ZBTB7C: variants seen among roughly 807,000 people sequenced by gnomAD.
The protein encoded by ZBTB7C is zinc finger and BTB domain containing 7C.
In ZBTB7C, 8 loss-of-function variants were observed where a neutral mutation model predicts 25.7. The ratio of observed to expected loss-of-function variants is 0.31; its 90% CI spans 0.18 to 0.56. The LOEUF is 0.56. Ranked by LOEUF, ZBTB7C falls within the 20% of genes least tolerant of loss-of-function variation. The probability of loss-of-function intolerance (pLI) is 0.91; values close to 1 mark genes in which losing one functional copy is unlikely to be tolerated. For synonymous variants in ZBTB7C, 394 were observed against 369.0 expected (o/e 1.07, Z -0.78); for missense variants, 824 against 855.2 (o/e 0.96, Z 0.46).
chr18:48,268,646 G>C (rs1457887375), intron 2 of ZBTB7C, among the ~76,000 whole-genome samples: 1 of 152,198 alleles, frequency 6.6e-6, no homozygotes, highest in African/African-American at 2.4e-5. Flanking sequence ...GCTAAAACTG[G>C]GCTCAGCTGG....
chr18:48,214,010 C>T (rs914859144), intron 2 of ZBTB7C, among the ~76,000 whole-genome samples: 13 of 152,294 alleles, frequency 8.5e-5, no homozygotes, highest in Middle Eastern at 3.4e-3. Context: ...GCGGTGAGAG[C>T]GGACACCGTG....
At chr18:48,308,358 G>T (rs1393840812) in intron 2 of ZBTB7C, among the ~76,000 whole-genome samples, 1 of 152,158 alleles carries the variant, frequency 6.6e-6, no homozygotes, top group Non-Finnish European at 1.5e-5. Flanking sequence ...GGCATTTAGG[G>T]CAGGATGACC....
At position 48,259,707 on chromosome 18, in the gene ZBTB7C, T is replaced by C. The variant is rs767320613; in HGVS notation, c.-78-73712A>G. Among the ~76,000 whole-genome samples, 98 of 152,122 alleles carry C rather than the reference T, an allele frequency of 6.4e-4. 1 individual carries two copies. The highest frequency in any genetic ancestry group is 2.6e-4 in the Admixed American group (4 of 15,282). ...AACTGTCCCTCAAATGGGCAAAATA[T>C]TTGAACAGAACTTTACCAAAAAAAA... On this transcript the variant is annotated intron_variant, in intron 2 of 4. Transcript: ENST00000590800.
intron 2 of ZBTB7C, among the ~76,000 whole-genome samples, chr18:48,255,626 A>G (rs1409199370): frequency 6.7e-6 from 1 of 149,142 alleles, no homozygotes; most frequent in African/African-American, 2.6e-5. Flanking sequence ...AATCTTTACA[A>G]GAAAAGTAAC....
At chr18:48,099,999 T>C (rs748191552) in intron 3 of ZBTB7C, among the ~76,000 whole-genome samples, 10 of 152,134 alleles carry the variant, frequency 6.6e-5, no homozygotes, top group Non-Finnish European at 1.5e-4. Context: ...CCAGAGCCAC[T>C]CCTGGAGTGG....
At chr18:48,231,847 C>A (rs1274369993) in intron 2 of ZBTB7C, among the ~76,000 whole-genome samples, 1 of 152,244 alleles carries the variant, frequency 6.6e-6, no homozygotes, top group Non-Finnish European at 1.5e-5. Context: ...CCAGGCACCA[C>A]CAAGTTCCCC....
chr18:48,376,660 G>T (rs1258923842), intron 1 of ZBTB7C, among the ~76,000 whole-genome samples: 1 of 152,244 alleles, frequency 6.6e-6, no homozygotes, highest in African/African-American at 2.4e-5. Context: ...CTCTGCAGTG[G>T]CTCTGCAGTC....
chr18:48,352,384 T>A (rs1260034088), intron 1 of ZBTB7C, among the ~76,000 whole-genome samples: 2 of 152,306 alleles, frequency 1.3e-5, no homozygotes, highest in African/African-American at 2.4e-5. Flanking sequence ...CCTGGGGGCA[T>A]CCGCAGTATT....
At chr18:48,408,411 A>G (rs1274223878) in intron 1 of ZBTB7C, 1 of 152,202 alleles carries the variant, frequency 6.6e-6, no homozygotes, top group African/African-American at 2.4e-5. Flanking sequence ...CAGACCTCGC[A>G]CTACCCCGCG....
At chr18:48,142,316 C>T (rs2040372657) in intron 3 of ZBTB7C, among the ~76,000 whole-genome samples, 1 of 152,232 alleles carries the variant, frequency 6.6e-6, no homozygotes, top group Admixed American at 6.5e-5. Context: ...TGGGGGCCAG[C>T]AGAGCCTGCC....
intron 1 of ZBTB7C, among the ~76,000 whole-genome samples, chr18:48,367,043 T>C (rs911245934): frequency 4.0e-5 from 6 of 151,528 alleles, no homozygotes; most frequent in Admixed American, 1.3e-4. Flanking sequence ...TTTTGTACTA[T>C]ATAAATTTTT....
chr18:48,233,154 C>T (rs995966076), intron 2 of ZBTB7C, among the ~76,000 whole-genome samples: 28 of 152,160 alleles, frequency 1.8e-4, no homozygotes, highest in African/African-American at 6.8e-4. Flanking sequence ...GGGCTCTACT[C>T]TCACGAACAG....
At chr18:48,059,216 T>C (rs2037034863) in intron 3 of ZBTB7C, among the ~76,000 whole-genome samples, 1 of 152,194 alleles carries the variant, frequency 6.6e-6, no homozygotes, top group Admixed American at 6.5e-5. Context: ...GGGTTTTGTG[T>C]GTGTCATCTT....
chr18:48,385,252 T>C (rs2047722388), intron 1 of ZBTB7C, among the ~76,000 whole-genome samples: 1 of 152,216 alleles, frequency 6.6e-6, no homozygotes, highest in South Asian at 2.1e-4. Context: ...TTCTGGTCTG[T>C]AGCTCTTTTT....
chr18:48,139,635 G>C (rs1314988775), intron 3 of ZBTB7C, among the ~76,000 whole-genome samples: 1 of 152,160 alleles, frequency 6.6e-6, no homozygotes. Context: ...TAATCACTGT[G>C]TGTGTGTGCC....
At chr18:48,367,542 C>CAAGAAAAGCCT (rs1413420001) in intron 1 of ZBTB7C, among the ~76,000 whole-genome samples, 1 of 151,364 alleles carries the variant, frequency 6.6e-6, no homozygotes, top group African/African-American at 2.4e-5. Flanking sequence ...TGCGCACAGA[C>CAAGAAAAGCCT]AAGAAAAGCC....
In ZBTB7C at chr18:48,144,678, G is replaced by A. The variant is rs140304325; in HGVS notation, c.-17+41256C>T. 2.2e-3 allele frequency among the ~76,000 whole-genome samples: 336 copies of A among 152,138 alleles called. 1 individual carries two copies. The highest frequency in any genetic ancestry group is 4.0e-3 in the South Asian group (19 of 4,804). On this transcript the variant is annotated intron_variant, in intron 3 of 4. Coordinates refer to ENST00000590800, the MANE Select transcript of ZBTB7C (RefSeq NM_001318841.2). ...TTTAGTAGTTATGTTGCTGTGACTT[G>A]GACAGTCTCAGATTTATCACTGCAC...
intron 2 of ZBTB7C, among the ~76,000 whole-genome samples, chr18:48,285,081 A>G (rs2045002377): frequency 6.6e-6 from 1 of 152,242 alleles, no homozygotes; most frequent in Non-Finnish European, 1.5e-5. Flanking sequence ...GTTTCTATAA[A>G]TGTATGCCAC....
chr18:48,331,690 C>T (rs954367573), intron 2 of ZBTB7C, among the ~76,000 whole-genome samples: 20 of 152,138 alleles, frequency 1.3e-4, no homozygotes, highest in Admixed American at 1.2e-3. Flanking sequence ...GCATGTGACC[C>T]TACCGTATTC....
Sources: allele counts gnomAD v4.1 joint callset (sites outside exome capture counted in the v4.1 genomes callset), GRCh38; gene constraint gnomAD v4.1.1; transcripts MANE v1.5; gene names NCBI Gene and HGNC (gene_info 2026-07-23, HGNC 2026-07-21).